The following NLRX1 variants were observed in gnomAD, a reference collection of about 807,000 sequenced individuals.
NLRX1 encodes the protein NLR family member X1.
Under a neutral mutation model 74.2 loss-of-function variants are expected in NLRX1, and 67 were observed. The observed-to-expected ratio is 0.90, with a 90% confidence interval of 0.74 to 1.11. The LOEUF is 1.11. Ranked by LOEUF, NLRX1 falls within the 50% of genes least tolerant of loss-of-function variation. The probability of loss-of-function intolerance (pLI) is 0.00; values close to 1 mark genes in which losing one functional copy is unlikely to be tolerated. For missense variants in NLRX1, 1,191 were observed against 1,305.4 expected, an observed-to-expected ratio of 0.91 and a Z score of 1.35; for synonymous variants, 506 against 559.1, an observed-to-expected ratio of 0.91 and a Z score of 1.34.
At chr11:119,179,437 G>A (rs1948772909) in intron 6 of NLRX1, among the ~76,000 whole-genome samples, 1 of 152,190 alleles carries the variant, frequency 6.6e-6, no homozygotes, top group Non-Finnish European at 1.5e-5. Flanking sequence ...ACCAGCTTAG[G>A]TGACACAGCA....
Position 119,173,953 on chromosome 11 carries a change from C to T in NLRX1, c.704C>T (p.Ser235Phe), listed in dbSNP as rs1407172678. 1.2e-6 allele frequency: 2 copies of T among 1,613,918 alleles called. No individual in the cohort carries two copies. The highest frequency in any genetic ancestry group is 1.3e-5 in the African/African-American group (1 of 74,908). ...CTGCCCCTGATGGCTGCTGCTGGGT[C>T]CCACCTCCTCTTTGTGCTCCATGGC... ...EVLPLMAAAG[S>F]HLLFVLHGLE... Residue 235 changes from serine to phenylalanine, a missense_variant, in exon 5 of 10, where the codon TCC becomes TTC. Coordinates refer to ENST00000409109, the MANE Select transcript of NLRX1 (RefSeq NM_001282144.2). This position sits in a 1 kb window ranked among gnomAD's most constrained non-coding sequence, Gnocchi z 4.0.
chr11:119,183,113 G>A lies in NLRX1; in HGVS notation c.2607-5G>A, dbSNP rs776560084. On this transcript the variant is annotated splice_region_variant and splice_polypyrimidine_tract_variant and intron_variant, in intron 9 of 9. Coordinates refer to ENST00000409109, the MANE Select transcript of NLRX1 (RefSeq NM_001282144.2). The surrounding 1 kb of genome is among the most constrained non-coding windows in gnomAD (Gnocchi z 5.7). Reference sequence around the variant, plus strand: ...GAATGGCATCGACTTTCTCTCTCCTGCCAGCCTCTACTTCAATGAGCTGAG... The same window carrying A: ...GAATGGCATCGACTTTCTCTCTCCTACCAGCCTCTACTTCAATGAGCTGAG... The A allele has an allele frequency of 5.0e-6, 8 of 1,613,110 alleles. No individual in the cohort carries two copies. Among genetic ancestry groups the A allele is most frequent in the Non-Finnish European group, 6.8e-6 (8 of 1,179,574 alleles).
In NLRX1 at chr11:119,183,970, G is replaced by A; in HGVS notation, c.*531G>A. The A allele has an allele frequency of 1.3e-6, 1 of 769,384 alleles. No homozygotes were observed. Among genetic ancestry groups the A allele is most frequent in the East Asian group, 2.4e-5 (1 of 40,914 alleles). The allele number at this position is 769,384 out of a possible 1,614,324, so 47.7% of individuals were successfully genotyped here. ...GATGGCTTGGTAGCCCCTCGAGGCA[G>A]ATGCACCTGACTTGCTGCTATTAAA... On this transcript the variant is annotated 3_prime_UTR_variant, in exon 10 of 10. Coordinates refer to ENST00000409109, the MANE Select transcript of NLRX1 (RefSeq NM_001282144.2). The surrounding 1 kb of genome is among the most constrained non-coding windows in gnomAD (Gnocchi z 5.7).
chr11:119,182,395 C>T (rs756346952), intron 9 of NLRX1, 50 bp downstream of exon 9: 1 of 1,580,650 alleles, frequency 6.3e-7, no homozygotes, highest in South Asian at 1.1e-5. Flanking sequence ...GACTACTTCC[C>T]TCTCTCAACT....
At chr11:119,176,564 G>A (rs1003991613) in intron 6 of NLRX1, among the ~76,000 whole-genome samples, 5 of 151,456 alleles carry the variant, frequency 3.3e-5, no homozygotes, top group Admixed American at 3.3e-4. Context: ...CCGGGTGCCT[G>A]TAATCCCAGC....
rs1948896283 is a variant in NLRX1, at chr11:119,183,352, C to T, written c.2841C>T (p.Thr947=). Residue 947 remains threonine, a synonymous_variant, in exon 10 of 10, where the codon ACC becomes ACT. Coordinates refer to ENST00000409109, the MANE Select transcript of NLRX1 (RefSeq NM_001282144.2). This position sits in a 1 kb window ranked among gnomAD's most constrained non-coding sequence, Gnocchi z 5.7. ...ATCTGGAAGATAGCCGGGGTGCCACCCTTAATCCTTGGCGCAAGGCCCAGC... is the reference window on the plus strand; with the variant it reads ...ATCTGGAAGATAGCCGGGGTGCCACTCTTAATCCTTGGCGCAAGGCCCAGC... ...LRDLEDSRGA[T]LNPWRKAQLL... 1 of 1,614,232 alleles carries T rather than the reference C, an allele frequency of 6.2e-7. No homozygotes were observed. The highest frequency in any genetic ancestry group is 1.7e-5 in the Admixed American group (1 of 60,026).
Position 119,170,659 on chromosome 11 carries a change from C to T in NLRX1, c.-48-697C>T, listed in dbSNP as rs186012965. On this transcript the variant is annotated intron_variant, in intron 1 of 9. Coordinates refer to ENST00000409109, the MANE Select transcript of NLRX1 (RefSeq NM_001282144.2). ...CTCAGCTAAAAGGATCTGATATCTG[C>T]GGAAGAAAGGCAGAGTGGGGTGGAT... Among the ~76,000 whole-genome samples the T allele has an allele frequency of 3.4e-4, 51 of 152,196 alleles. No individual in the cohort carries two copies. The South Asian group carries it at 8.1e-3, about 24-fold the overall frequency.
chr11:119,172,539 C>T lies in NLRX1; in HGVS notation c.140+114C>T, dbSNP rs1056816055. ...TGGGGACCTTGGGGAGGGGCTTGGTCCTTTGGGGGTGGGAGGACAGTGGCA... is the reference window on the plus strand; with the variant it reads ...TGGGGACCTTGGGGAGGGGCTTGGTTCTTTGGGGGTGGGAGGACAGTGGCA... On this transcript the variant is annotated intron_variant, in intron 3 of 9. Transcript: ENST00000409109. 1.2e-5 allele frequency: 10 copies of T among 800,990 alleles called. No individual in the cohort carries two copies. The African/African-American group carries it at 1.8e-4, about 15-fold the overall frequency. The allele number at this position is 800,990 out of a possible 1,614,324, so 49.6% of individuals were successfully genotyped here.
At chr11:119,175,571 G>GT (rs1373395098) in intron 6 of NLRX1, among the ~76,000 whole-genome samples, 8 of 152,122 alleles carry the variant, frequency 5.3e-5, no homozygotes, top group Non-Finnish European at 1.2e-4. Flanking sequence ...CCTAAAAATG[G>GT]TTTCCTTTTT....
Position 119,172,919 on chromosome 11 carries a change from C to T in NLRX1, c.159C>T (p.His53=), listed in dbSNP as rs749924436. ...TTCCCAGGGCCTTTATACGCCACCA[C>T]GGAAGCTCGGTAGATAGCGCTCCCC... ...FGPPRAFIRH[H]GSSVDSAPPP... is the part of the protein sequence containing the mutation. Residue 53 remains histidine, a synonymous_variant, in exon 4 of 10, where the codon CAC becomes CAT. Transcript: ENST00000409109. 71 of 1,613,818 alleles carry T rather than the reference C, an allele frequency of 4.4e-5. No homozygotes were observed. In the African/African-American group the frequency reaches 5.2e-4, roughly 12 times the overall value.
At chr11:119,180,503 G>A (rs1249728006) in intron 7 of NLRX1, among the ~76,000 whole-genome samples, 5 of 152,090 alleles carry the variant, frequency 3.3e-5, no homozygotes, top group Non-Finnish European at 5.9e-5. Context: ...TCAGGAGTTC[G>A]AGACCAGCCT....
chr11:119,170,033 A>AAG (rs1565823192), intron 1 of NLRX1, among the ~76,000 whole-genome samples: 1 of 129,254 alleles, frequency 7.7e-6, no homozygotes, highest in African/African-American at 3.1e-5. Flanking sequence ...AAAAAAAAAA[A>AAG]ATTGGTTGGG....
chr11:119,169,672 C>G (rs982462781), intron 1 of NLRX1, among the ~76,000 whole-genome samples: 1 of 152,194 alleles, frequency 6.6e-6, no homozygotes, highest in Non-Finnish European at 1.5e-5. Context: ...TTCCCAGGGA[C>G]GGAGACTTTT....
At position 119,180,230 on chromosome 11, in the gene NLRX1, C is replaced by G; in HGVS notation, c.2209C>G (p.Leu737Val). The change falls in exon 7 of 10, where the codon CTA becomes GTA. Residue 737 changes from leucine (L) to valine (V), a missense_variant. By Grantham distance (32) the Leu-to-Val change is conservative (BLOSUM62 1). Transcript: ENST00000409109. The part of the protein sequence containing the change: ...LDEVNLASCQ[L>V]DPAGLRTLLP... ...TGAGGTGAACTTGGCCTCCTGCCAG[C>G]TAGATCCTGCTGGGCTGCGCACACT... The G allele has an allele frequency of 6.2e-7, 1 of 1,610,422 alleles. No individual in the cohort carries two copies.
At chr11:119,169,982 C>T (rs1271544290) in intron 1 of NLRX1, among the ~76,000 whole-genome samples, 2 of 112,324 alleles carry the variant, frequency 1.8e-5, no homozygotes, top group Non-Finnish European at 3.3e-5. Context: ...GGCAACAGAG[C>T]GAGAGACCCT....
chr11:119,178,256 G>A lies in NLRX1; in HGVS notation c.1672-1437G>A, dbSNP rs147588854. Reference sequence around the variant, plus strand: ...AAAACAACGTCATGGTTTGTTGCCAGAGGAATGACCCTTCTTCCCTTTCAG... The same window carrying A: ...AAAACAACGTCATGGTTTGTTGCCAAAGGAATGACCCTTCTTCCCTTTCAG... On this transcript the variant is annotated intron_variant, in intron 6 of 9. Coordinates refer to ENST00000409109, the MANE Select transcript of NLRX1 (RefSeq NM_001282144.2). Among the ~76,000 whole-genome samples the A allele has an allele frequency of 2.1e-3, 316 of 152,340 alleles. 1 individual carries two copies. In the Middle Eastern group the frequency reaches 0.024, roughly 11 times the overall value.
At chr11:119,179,241 A>G (rs1051876638) in intron 6 of NLRX1, among the ~76,000 whole-genome samples, 4 of 152,204 alleles carry the variant, frequency 2.6e-5, no homozygotes, top group Non-Finnish European at 5.9e-5. Context: ...TTGAAAATGT[A>G]TCAGGGTGTT....
Position 119,175,245 on chromosome 11 carries a change from G to A in NLRX1, c.1642G>A (p.Ala548Thr), listed in dbSNP as rs769223762. 6.2e-7 allele frequency: 1 copy of A among 1,613,884 alleles called. No individual in the cohort carries two copies. Among genetic ancestry groups the A allele is most frequent in the Non-Finnish European group, 8.5e-7 (1 of 1,179,984 alleles). ...CATGGCCAAGCTGCTGCCTCTGCGG[G>A]CTCTGCCTCTGCTCTTCAACCTGAT... The part of the protein sequence containing the change: ...GIMAKLLPLR[A>T]LPLLFNLIKV... The change falls in exon 6 of 10, where the codon GCT (alanine) becomes ACT (threonine). Residue 548 changes from alanine to threonine, a missense_variant. Physicochemically the swap from Ala to Thr is moderately conservative, Grantham distance 58. Coordinates refer to ENST00000409109, the MANE Select transcript of NLRX1 (RefSeq NM_001282144.2).
chr11:119,183,688 G>C lies in NLRX1; in HGVS notation c.*249G>C. The C allele has an allele frequency of 2.7e-6, 2 of 751,370 alleles. No homozygotes were observed. Among genetic ancestry groups the C allele is most frequent in the Non-Finnish European group, 4.9e-6 (2 of 409,152 alleles). 46.5% of individuals were successfully genotyped at this position (751,370 alleles called of 1,614,324 possible). ...AACATGCCTCCTCTCCATTCAGCTA[G>C]AAGGACCAAAGCATGTGGCATTTGG... is the stretch of plus-strand genomic sequence containing the variant. On this transcript the variant is annotated 3_prime_UTR_variant, in exon 10 of 10. Transcript: ENST00000409109. This position sits in a 1 kb window ranked among gnomAD's most constrained non-coding sequence, Gnocchi z 5.7.
Sources: allele counts gnomAD v4.1 joint callset (sites outside exome capture counted in the v4.1 genomes callset), GRCh38; gene constraint gnomAD v4.1.1; non-coding constraint Gnocchi (gnomAD v3.1); transcripts MANE v1.5; gene names NCBI Gene and HGNC (gene_info 2026-07-23, HGNC 2026-07-21).